Variants in PDE8B observed in about 807,000 individuals in gnomAD.
PDE8B encodes high affinity cAMP-specific and IBMX-insensitive 3',5'-cyclic phosphodiesterase 8B.
PDE8B carries 26 observed loss-of-function variants against 101.3 expected under a neutral mutation model. The observed-to-expected ratio is 0.26, with a 90% CI of 0.19 to 0.36. The LOEUF is 0.36. Ranked by LOEUF, PDE8B falls within the 10% of genes least tolerant of loss-of-function variation. The pLI is 1.00. For missense variants in PDE8B, 810 were observed against 1,163.1 expected (o/e 0.70, Z 4.42); for synonymous variants, 424 against 429.3 (o/e 0.99, Z 0.15).
chr5:77,180,901 T>C, the PDE8B span, among the ~76,000 whole-genome samples: 1 of 152,096 alleles, frequency 6.6e-6, no homozygotes, highest in Admixed American at 6.5e-5. Context: ...GTGCTTCCAG[T>C]GGCTGCAAAG....
At chr5:77,269,537 G>T (rs1762378958) in intron 1 of PDE8B, among the ~76,000 whole-genome samples, 1 of 152,116 alleles carries the variant, frequency 6.6e-6, no homozygotes, top group East Asian at 1.9e-4. Flanking sequence ...TATTACTCAA[G>T]AAATCTTTGC....
chr5:77,404,221 C>T (rs772342791), intron 11 of PDE8B, among the ~76,000 whole-genome samples: 8 of 152,048 alleles, frequency 5.3e-5, no homozygotes, highest in South Asian at 2.1e-4. Flanking sequence ...CTCCTGACTT[C>T]GTGATCTGCC....
In PDE8B at chr5:77,361,703, A is replaced by G. The variant is rs142776035; in HGVS notation, c.1167+8297A>G. 6.9e-3 allele frequency among the ~76,000 whole-genome samples: 1,043 copies of G among 151,978 alleles called. 6 individuals are homozygous for G. Among genetic ancestry groups the G allele is most frequent in the Middle Eastern group, 0.024 (7 of 292 alleles). On this transcript the variant is annotated intron_variant, in intron 10 of 21. Transcript: ENST00000264917. ...CTAATTTTTTGTATTTTTAGTAGAG[A>G]TAGGGTTTCACTATGTTGGCCAGGA...
chr5:77,088,996 T>A, the PDE8B span, among the ~76,000 whole-genome samples: 7 of 152,120 alleles, frequency 4.6e-5, no homozygotes, highest in African/African-American at 1.2e-4. Context: ...AATAATACAA[T>A]CCACCATTCC....
chr5:77,213,646 G>T (rs192021423), intron 1 of PDE8B, among the ~76,000 whole-genome samples: 309 of 152,290 alleles, frequency 2.0e-3, no homozygotes, highest in Non-Finnish European at 2.8e-3. Context: ...AAGCACACAG[G>T]TGGAAAAATA....
Position 77,418,308 on chromosome 5 carries a change from A to C in PDE8B, c.1991A>C (p.Asn664Thr). ...GACGTGGATCACCCGGGAAGGACCA[A>C]CTCTTTCCTCTGCAATGCAGGCAGT... ...VHDVDHPGRT[N>T]SFLCNAGSEL... The change falls in exon 18 of 22, where the codon AAC (asparagine) becomes ACC (threonine). Residue 664 changes from asparagine to threonine, a missense_variant. Physicochemically the swap from Asn to Thr is moderately conservative, Grantham distance 65. Coordinates refer to ENST00000264917, the MANE Select transcript of PDE8B (RefSeq NM_003719.5). The C allele has an allele frequency of 1.2e-6, 2 of 1,613,548 alleles. No individual in the cohort carries two copies. The highest frequency in any genetic ancestry group is 1.7e-6 in the Non-Finnish European group (2 of 1,179,636).
chr5:77,415,697 C>T (rs1795395909), intron 17 of PDE8B, among the ~76,000 whole-genome samples: 1 of 152,142 alleles, frequency 6.6e-6, no homozygotes, highest in Non-Finnish European at 1.5e-5. Context: ...AAAGCATGCC[C>T]AACCCAGCTG....
the PDE8B span, among the ~76,000 whole-genome samples, chr5:77,177,151 G>T: frequency 6.6e-6 from 1 of 152,020 alleles, no homozygotes; most frequent in Non-Finnish European, 1.5e-5. Flanking sequence ...TATCCAGTGG[G>T]TTGAGTGTTG....
the PDE8B span, among the ~76,000 whole-genome samples, chr5:77,123,685 G>A: frequency 6.6e-6 from 1 of 152,176 alleles, no homozygotes; most frequent in Non-Finnish European, 1.5e-5. Context: ...CTGAGCCTGG[G>A]GAGGCAGAGG....
chr5:77,154,181 T>A, the PDE8B span, among the ~76,000 whole-genome samples: 2 of 152,242 alleles, frequency 1.3e-5, no homozygotes, highest in African/African-American at 4.8e-5. Context: ...ACTTCTTGCC[T>A]CTCACCCAAA....
chr5:77,091,750 A>C, the PDE8B span, among the ~76,000 whole-genome samples: 1 of 152,250 alleles, frequency 6.6e-6, no homozygotes, highest in Non-Finnish European at 1.5e-5. Flanking sequence ...ACAATTTTTT[A>C]CAGTTTATTG....
At chr5:77,304,655 ATAG>A (rs1273328871) in intron 1 of PDE8B, among the ~76,000 whole-genome samples, 2 of 152,220 alleles carry the variant, frequency 1.3e-5, no homozygotes, top group African/African-American at 4.8e-5. Context: ...ACTATTCTAA[ATAG>A]TAGGGCATAA....
intron 20 of PDE8B, among the ~76,000 whole-genome samples, chr5:77,423,632 GTTTTTTTTTTTTTT>G (rs71594634): frequency 1.4e-5 from 1 of 74,046 alleles, no homozygotes; most frequent in East Asian, 3.7e-4. Context: ...GTTTTGTTTA[GTTTTTTTTTTTTTT>G]TTTTTTTTTT....
intron 6 of PDE8B, among the ~76,000 whole-genome samples, chr5:77,344,103 A>C (rs1779725385): frequency 6.6e-6 from 1 of 152,226 alleles, no homozygotes; most frequent in African/African-American, 2.4e-5. Context: ...GCTGCTTTAC[A>C]GTTAACTTTT....
intron 1 of PDE8B, among the ~76,000 whole-genome samples, chr5:77,262,421 TC>T (rs1760813475): frequency 6.6e-6 from 1 of 152,208 alleles, no homozygotes; most frequent in Admixed American, 6.5e-5. Context: ...AAAACAAATG[TC>T]CCTCTCGCTT....
the PDE8B span, among the ~76,000 whole-genome samples, chr5:77,205,388 G>A: frequency 6.6e-6 from 1 of 152,112 alleles, no homozygotes; most frequent in Non-Finnish European, 1.5e-5. Flanking sequence ...TCACTTGGTA[G>A]GACTATTTCA....
At chr5:77,389,916 A>C (rs1789556351) in intron 10 of PDE8B, among the ~76,000 whole-genome samples, 4 of 152,090 alleles carry the variant, frequency 2.6e-5, no homozygotes, top group African/African-American at 9.7e-5. Flanking sequence ...TTTCTTGTGA[A>C]TATATGCTTC....
At chr5:77,327,983 C>T (rs1776371232) in intron 3 of PDE8B, among the ~76,000 whole-genome samples, 2 of 152,070 alleles carry the variant, frequency 1.3e-5, no homozygotes, top group African/African-American at 4.8e-5. Flanking sequence ...GCTGGCTGTC[C>T]CTTGGGGAGT....
chr5:77,248,394 G>C (rs993828312), intron 1 of PDE8B, among the ~76,000 whole-genome samples: 2 of 152,148 alleles, frequency 1.3e-5, no homozygotes, highest in Admixed American at 6.5e-5. Flanking sequence ...TGCACTGAGA[G>C]GGATACCTTC....
Sources: gnomAD v4.1 joint callset for allele counts (sites outside exome capture counted in the v4.1 genomes callset) on GRCh38, gnomAD v4.1.1 for gene constraint, MANE v1.5 for transcripts, NCBI Gene and HGNC (gene_info 2026-07-23, HGNC 2026-07-21) for gene names.